BNIP3: variants seen among roughly 807,000 people sequenced by gnomAD.
The protein encoded by BNIP3 is BCL2 interacting protein 3.
In BNIP3, 16 loss-of-function variants were observed where a neutral mutation model predicts 23.9. The observed-to-expected ratio is 0.67, with a 90% CI of 0.45 to 1.01. The LOEUF is 1.01. BNIP3 is among the 50% of genes least tolerant of loss of function. BNIP3 has a pLI of 0.00. For synonymous variants in BNIP3, 81 were observed against 89.3 expected (o/e 0.91, Z 0.53); for missense variants, 198 against 248.7 (o/e 0.80, Z 1.37).
rs752040393 is a variant in BNIP3, at chr10:131,970,683, A to T, written c.494T>A (p.Phe165Tyr). 6.2e-7 allele frequency: 1 copy of T among 1,614,214 alleles called. No homozygotes were observed. Among genetic ancestry groups the T allele is most frequent in the Non-Finnish European group, 8.5e-7 (1 of 1,180,024 alleles). ...ATGAGAGAGCAGCAGAGATGGAAGG[A>T]AAACTTTCAGAAATTCTGCAGAGAA... ...GIFSAEFLKVFLPSLLLSHLL... is the reference protein window; with the variant it reads ...GIFSAEFLKVYLPSLLLSHLL... Residue 165 changes from phenylalanine (F) to tyrosine (Y), a missense_variant, in exon 5 of 6, where the codon TTC becomes TAC. By Grantham distance (22) the Phe-to-Tyr change is conservative. Coordinates refer to ENST00000368636, the MANE Select transcript of BNIP3 (RefSeq NM_004052.4). This position sits in a 1 kb window ranked among gnomAD's most constrained non-coding sequence, Gnocchi z 4.1.
In BNIP3 at chr10:131,972,870, CCA is replaced by C. The variant is rs1313194739; in HGVS notation, c.282+162_282+163del. The stretch of plus-strand genomic sequence containing the variant: ...CCCATGTGCTTGTGGATGTTCCCAC[CCA>C]CAGTTTCTTGGTTTTTTTGTTTCGC... On this transcript the variant is annotated intron_variant, in intron 3 of 5. Coordinates refer to ENST00000368636, the MANE Select transcript of BNIP3 (RefSeq NM_004052.4). Among the ~76,000 whole-genome samples, 3 of 152,322 alleles carry C rather than the reference CCA, an allele frequency of 2.0e-5. No individual in the cohort carries two copies. The East Asian group carries it at 5.8e-4, about 29-fold the overall frequency.
intron 1 of BNIP3, among the ~76,000 whole-genome samples, chr10:131,974,970 T>C (rs1274190072): frequency 6.6e-6 from 1 of 152,238 alleles, no homozygotes; most frequent in African/African-American, 2.4e-5. Context: ...TTTTTCTGCA[T>C]TTAAATATGT....
At chr10:131,973,225 A>G in intron 2 of BNIP3, 107 bp from the exon 3 acceptor site, 2 of 1,139,312 alleles carry the variant, frequency 1.8e-6, no homozygotes, top group Non-Finnish European at 2.6e-6. Flanking sequence ...GAGGGGCTCT[A>G]GCCAGTCAGC....
chr10:131,980,723 T>C (rs1012009305), intron 1 of BNIP3: 2 of 152,110 alleles, frequency 1.3e-5, no homozygotes, highest in East Asian at 1.9e-4. Context: ...TTTATGTGAA[T>C]ATATGGTTTT....
chr10:131,981,619 C>A, intron 1 of BNIP3, 142 bp downstream of exon 1: 4 of 1,081,008 alleles, frequency 3.7e-6, no homozygotes, highest in Non-Finnish European at 4.9e-6. Flanking sequence ...GGGGTGGGTA[C>A]GGAAGGGGAG....
intron 2 of BNIP3, chr10:131,973,399 T>C (rs2037056318): frequency 4.1e-6 from 2 of 492,730 alleles, no homozygotes; most frequent in Non-Finnish European, 7.4e-6. Context: ...TCTGGGTCTG[T>C]TGCACAGCTC....
At chr10:131,980,630 T>C (rs1015106348) in intron 1 of BNIP3, 1 of 151,110 alleles carries the variant, frequency 6.6e-6, no homozygotes, top group African/African-American at 2.4e-5. Flanking sequence ...TATGTATATA[T>C]ATATATTATT....
chr10:131,977,590 G>A (rs1045975616), intron 1 of BNIP3, among the ~76,000 whole-genome samples: 1 of 152,162 alleles, frequency 6.6e-6, no homozygotes. Flanking sequence ...TGAGGCTACA[G>A]AGGGACCCAC....
At chr10:131,971,213 C>T (rs1366993212) in intron 3 of BNIP3, 2 of 528,520 alleles carry the variant, frequency 3.8e-6, no homozygotes, top group Non-Finnish European at 6.8e-6. Context: ...GGGAGCCCCA[C>T]TCAGGGCGTA....
intron 1 of BNIP3, among the ~76,000 whole-genome samples, chr10:131,974,344 A>C (rs1199488670): frequency 6.6e-6 from 1 of 152,264 alleles, no homozygotes; most frequent in South Asian, 2.1e-4. Flanking sequence ...TAATGTCAAC[A>C]TAAGCTTAAG....
At position 131,970,681 on chromosome 10, in the gene BNIP3, G is replaced by C. The variant is rs1215179581; in HGVS notation, c.496C>G (p.Leu166Val). The change falls in exon 5 of 6, where the codon CTT becomes GTT. Residue 166 changes from leucine (L) to valine (V), a missense_variant. Transcript: ENST00000368636. The surrounding 1 kb of genome is among the most constrained non-coding windows in gnomAD (Gnocchi z 4.1). Reference protein sequence around the residue: ...IFSAEFLKVFLPSLLLSHLLA... With the variant: ...IFSAEFLKVFVPSLLLSHLLA... ...AAATGAGAGAGCAGCAGAGATGGAA[G>C]GAAAACTTTCAGAAATTCTGCAGAG... 1 of 1,614,082 alleles carries C rather than the reference G, an allele frequency of 6.2e-7. No homozygotes were observed. The highest frequency in any genetic ancestry group is 1.3e-5 in the African/African-American group (1 of 74,924).
intron 1 of BNIP3, among the ~76,000 whole-genome samples, chr10:131,979,894 G>A (rs2037105934): frequency 6.6e-6 from 1 of 152,210 alleles, no homozygotes; most frequent in Non-Finnish European, 1.5e-5. Flanking sequence ...GTCAACAAGG[G>A]GCAGTGAAAT....
rs925056637 is a variant in BNIP3, at chr10:131,976,487, T to C, written c.47-2544A>G. Among the ~76,000 whole-genome samples, 7 of 152,146 alleles carry C rather than the reference T, an allele frequency of 4.6e-5. No homozygotes were observed. The highest frequency in any genetic ancestry group is 5.9e-5 in the Non-Finnish European group (4 of 68,024). On this transcript the variant is annotated intron_variant, in intron 1 of 5. Coordinates refer to ENST00000368636, the MANE Select transcript of BNIP3 (RefSeq NM_004052.4). This position sits in a 1 kb window ranked among gnomAD's most constrained non-coding sequence, Gnocchi z 4.3. The stretch of plus-strand genomic sequence containing the variant: ...ACACACCTGCCTCAGGTTCAGTAAT[T>C]TACTACAATTCACAGAACTCAGAAA...
intron 1 of BNIP3, among the ~76,000 whole-genome samples, chr10:131,975,923 G>A (rs2037075451): frequency 6.6e-6 from 1 of 152,184 alleles, no homozygotes; most frequent in Non-Finnish European, 1.5e-5. Flanking sequence ...GAGGAGAAAG[G>A]CCCAGGCCAG....
At chr10:131,978,381 TAAAA>T (rs11484265) in intron 1 of BNIP3, among the ~76,000 whole-genome samples, 5 of 134,868 alleles carry the variant, frequency 3.7e-5, no homozygotes, top group South Asian at 2.4e-4. Context: ...TCACTTTGTG[TAAAA>T]AAAAAAAAAA....
At chr10:131,975,319 G>A (rs534187219) in intron 1 of BNIP3, among the ~76,000 whole-genome samples, 1 of 152,314 alleles carries the variant, frequency 6.6e-6, no homozygotes, top group East Asian at 1.9e-4. Flanking sequence ...TGTGTCATAG[G>A]TTTATTTATT....
chr10:131,977,238 C>G (rs1471660307), intron 1 of BNIP3, among the ~76,000 whole-genome samples: 3 of 152,074 alleles, frequency 2.0e-5, no homozygotes, highest in Non-Finnish European at 4.4e-5. Flanking sequence ...CACTGCCCCC[C>G]AGCCTGGGCA....
In BNIP3 at chr10:131,967,875, A is replaced by G. The variant is rs2036985676; in HGVS notation, c.*649T>C. ...AGGTGCCTTCAGCAGAAAACTGATC[A>G]TCCAGGGTGATCACCTAATAATCGG... On this transcript the variant is annotated 3_prime_UTR_variant, in exon 6 of 6. Coordinates refer to ENST00000368636, the MANE Select transcript of BNIP3 (RefSeq NM_004052.4). The G allele has an allele frequency of 6.6e-6, 1 of 152,286 alleles. No individual in the cohort carries two copies. Among genetic ancestry groups the G allele is most frequent in the African/African-American group, 2.4e-5 (1 of 41,468 alleles). The allele number at this position is 152,286 out of a possible 1,614,324, so 9.4% of individuals were successfully genotyped here.
intron 1 of BNIP3, among the ~76,000 whole-genome samples, chr10:131,974,998 C>T (rs541354963): frequency 6.6e-5 from 10 of 152,308 alleles, no homozygotes; most frequent in Admixed American, 3.3e-4. Context: ...AACTTTCCCT[C>T]GGTAGCTTGT....
Sources: allele counts gnomAD v4.1 joint callset (sites outside exome capture counted in the v4.1 genomes callset), GRCh38; gene constraint gnomAD v4.1.1; non-coding constraint Gnocchi (gnomAD v3.1); transcripts MANE v1.5; gene names NCBI Gene and HGNC (gene_info 2026-07-23, HGNC 2026-07-21).